Variants in ZNF607 observed in about 807,000 individuals in gnomAD.
The protein encoded by ZNF607 is zinc finger protein 607.
In ZNF607, 5 loss-of-function variants were observed where a neutral mutation model predicts 12.8. The ratio of observed to expected loss-of-function variants is 0.39; its 90% CI spans 0.20 to 0.82. The LOEUF is 0.82. ZNF607 is among the 40% of genes least tolerant of loss of function. The pLI, the probability that ZNF607 is intolerant of heterozygous loss-of-function variation, is 0.39. For missense variants in ZNF607, 851 were observed against 859.2 expected (o/e 0.99, Z 0.12); for synonymous variants, 287 against 276.2 (o/e 1.04, Z -0.39).
At chr19:37,712,796 A>AT (rs1490377206) in intron 1 of ZNF607, among the ~76,000 whole-genome samples, 1 of 152,070 alleles carries the variant, frequency 6.6e-6, no homozygotes, top group Non-Finnish European at 1.5e-5. Flanking sequence ...CAACAAAATT[A>AT]TTTTTTCTCT....
chr19:37,714,311 A>AAACAACAACAACAACAAC (rs376072397), intron 1 of ZNF607, among the ~76,000 whole-genome samples: 182 of 139,630 alleles, frequency 1.3e-3, no homozygotes, highest in African/African-American at 3.2e-3. Context: ...CTCCGTCTCA[A>AAACAACAACAACAACAAC]AACAACAACA....
In ZNF607 at chr19:37,711,639, T is replaced by C. The variant is rs546340522; in HGVS notation, c.-21A>G. 2.5e-6 allele frequency: 4 copies of C among 1,613,658 alleles called. No individual in the cohort carries two copies. In the African/African-American group the frequency reaches 5.3e-5, roughly 22 times the overall value. On this transcript the variant is annotated 5_prime_UTR_variant, in exon 2 of 5. Transcript: ENST00000355202. ...GACATGGTTTGAGACTGGCAAGAGT[T>C]GATCAGTCCTTGGCGTTTCTCTACC...
chr19:37,710,011 T>TGGGGCC, intron 2 of ZNF607, among the ~76,000 whole-genome samples, 189 bp from the exon 3 acceptor site: 1 of 152,024 alleles, frequency 6.6e-6, no homozygotes, highest in South Asian at 2.1e-4. Context: ...AAAAATTAGC[T>TGGGGCC]GGGTGTGGTG....
intron 2 of ZNF607, among the ~76,000 whole-genome samples, chr19:37,710,096 A>C (rs1287724369): frequency 6.6e-6 from 1 of 152,108 alleles, no homozygotes; most frequent in Non-Finnish European, 1.5e-5. Flanking sequence ...CGCAGGTTGC[A>C]GTGAGCCGAG....
At position 37,696,725 on chromosome 19, in the gene ZNF607, G is replaced by T; in HGVS notation, c.*1315C>A. ...TCTTCTGCAGCTTCCAGCTTGCACA[G>T]CTCGCTCTGGCCGTCCCCTGCAGTG... is the stretch of plus-strand genomic sequence containing the variant. On this transcript the variant is annotated 3_prime_UTR_variant, in exon 5 of 5. Transcript: ENST00000355202. 1.1e-6 allele frequency: 1 copy of T among 905,420 alleles called. No homozygotes were observed. Among genetic ancestry groups the T allele is most frequent in the Non-Finnish European group, 1.8e-6 (1 of 553,054 alleles). The allele number at this position is 905,420 out of a possible 1,614,324, so 56.1% of individuals were successfully genotyped here.
At chr19:37,708,109 G>A in intron 3 of ZNF607, 97 bp from the exon 4 acceptor site, 2 of 847,190 alleles carry the variant, frequency 2.4e-6, no homozygotes, top group South Asian at 2.0e-5. Flanking sequence ...AAGTGATACT[G>A]AGTAAGATTT....
rs1434349703 is a variant in ZNF607 at position 37,697,522 on chromosome 19, A to G, written c.*518T>C. Reference sequence around the variant, plus strand: ...ATCATCATTTATATATGATCCCCAGAAGGGATAAATATCTTCCCCCATATC... The same window carrying G: ...ATCATCATTTATATATGATCCCCAGGAGGGATAAATATCTTCCCCCATATC... On this transcript the variant is annotated 3_prime_UTR_variant, in exon 5 of 5. Transcript: ENST00000355202. 1.8e-6 allele frequency: 1 copy of G among 562,548 alleles called. No individual in the cohort carries two copies. The highest frequency in any genetic ancestry group is 3.2e-5 in the East Asian group (1 of 31,088). The allele number at this position is 562,548 out of a possible 1,614,324, so 34.8% of individuals were successfully genotyped here. A position where few individuals can be genotyped will look rare whatever the true frequency, so the allele number is the denominator to read the frequency against.
In ZNF607 at chr19:37,696,655, G is replaced by A. The variant is rs1032457595; in HGVS notation, c.*1385C>T. ...CTGGAGGAGCACGGACTGCCCTGCC[G>A]GCAGGCAGGTGATGTTCCGAGAGCA... is the stretch of plus-strand genomic sequence containing the variant. On this transcript the variant is annotated 3_prime_UTR_variant, in exon 5 of 5. Coordinates refer to ENST00000355202, the MANE Select transcript of ZNF607 (RefSeq NM_032689.5). The A allele has an allele frequency of 1.5e-6, 1 of 667,984 alleles. No individual in the cohort carries two copies. Among genetic ancestry groups the A allele is most frequent in the East Asian group, 3.0e-5 (1 of 33,586 alleles). The allele number at this position is 667,984 out of a possible 1,614,324, so 41.4% of individuals were successfully genotyped here.
At position 37,698,721 on chromosome 19, in the gene ZNF607, A is replaced by C; in HGVS notation, c.1410T>G (p.Ile470Met). 6.2e-7 allele frequency: 1 copy of C among 1,613,306 alleles called. No homozygotes were observed. The highest frequency in any genetic ancestry group is 8.5e-7 in the Non-Finnish European group (1 of 1,179,400). ...ATACATAGGGTTTCTCTCCTGTATG[A>C]ATTCTCTCATGTATAACAAGATATG... ...CASYLVIHER[I>M]HTGEKPYVCQ... is the part of the protein sequence containing the mutation. The change falls in exon 5 of 5, where the codon ATT (isoleucine) becomes ATG (methionine). Residue 470 changes from isoleucine to methionine, a missense_variant. Transcript: ENST00000355202.
In ZNF607 at chr19:37,696,955, C is replaced by T. The variant is rs1224366689; in HGVS notation, c.*1085G>A. 1.0e-5 allele frequency: 7 copies of T among 692,664 alleles called. No homozygotes were observed. Among genetic ancestry groups the T allele is most frequent in the Non-Finnish European group, 1.8e-5 (7 of 380,860 alleles). The allele number at this position is 692,664 out of a possible 1,614,324, so 42.9% of individuals were successfully genotyped here. On this transcript the variant is annotated 3_prime_UTR_variant, in exon 5 of 5. Transcript: ENST00000355202. ...GCTCACTCCATAAGGTTGTTGCTCA[C>T]CTGGCTGGAGACCAGCTCCCTCTGG...
At position 37,699,837 on chromosome 19, in the gene ZNF607, G is replaced by A. The variant is rs1229117781; in HGVS notation, c.294C>T (p.His98=). ...SDGKMQLYRK[H]SCVTLHQRIH... is the part of the protein sequence containing the mutation. ...TTCTCTGATGGAGAGTAACACATGA[G>A]TGTTTCCTATAAAGCTGCATTTTCC... Residue 98 remains histidine, a synonymous_variant, in exon 5 of 5, where the codon CAC becomes CAT. Transcript: ENST00000355202. 3.7e-6 allele frequency: 6 copies of A among 1,612,514 alleles called. No homozygotes were observed. The highest frequency in any genetic ancestry group is 2.7e-5 in the African/African-American group (2 of 74,984).
rs368009766 is a variant in ZNF607, at chr19:37,697,997, C to T, written c.*43G>A. On this transcript the variant is annotated 3_prime_UTR_variant, in exon 5 of 5. Transcript: ENST00000355202. ...GTTCAGTGGGATAAATCCATTGACACAATGTGCTTTCTTTACTACCTGTAT... is the reference window on the plus strand; with the variant it reads ...GTTCAGTGGGATAAATCCATTGACATAATGTGCTTTCTTTACTACCTGTAT... 7.3e-6 allele frequency: 11 copies of T among 1,503,570 alleles called. No individual in the cohort carries two copies. Among genetic ancestry groups the T allele is most frequent in the Non-Finnish European group, 9.8e-6 (11 of 1,126,932 alleles). The allele number at this position is 1,503,570 out of a possible 1,614,324, so 93.1% of individuals were successfully genotyped here.
intron 3 of ZNF607, 110 bp from the exon 4 acceptor site, chr19:37,708,122 G>C: frequency 1.4e-6 from 1 of 709,062 alleles, no homozygotes; most frequent in Non-Finnish European, 2.2e-6. Context: ...TAAGATTTTA[G>C]AGAAGAGTGA....
rs899488705 is a variant in ZNF607, at chr19:37,699,156, G to C, written c.975C>G (p.Thr325=). ...CCCCTGAATAAATTCTCTGATGCAT[G>C]GTAAGTTGATACCTACATGTAAAGC... is the stretch of plus-strand genomic sequence containing the variant. ...GKGFTCRYQL[T]MHQRIYSGEK... Residue 325 remains threonine (T), a synonymous_variant, in exon 5 of 5, where the codon ACC becomes ACG. Transcript: ENST00000355202. 10 of 1,613,934 alleles carry C rather than the reference G, an allele frequency of 6.2e-6. No individual in the cohort carries two copies. The Admixed American group carries it at 1.3e-4, about 22-fold the overall frequency.
At chr19:37,711,774 C>T in intron 1 of ZNF607, 82 bp from the exon 2 acceptor site, 1 of 643,466 alleles carries the variant, frequency 1.6e-6, no homozygotes, top group Non-Finnish European at 2.7e-6. Flanking sequence ...TTTTCCTCTT[C>T]CATTCCAAGT....
In ZNF607 at chr19:37,696,862, C is replaced by A; in HGVS notation, c.*1178G>T. ...CTCTGCTTCCTGGGGGGCCACCTGT[C>A]TGTTAACTCCTTCAAGAAGGTCAGA... On this transcript the variant is annotated 3_prime_UTR_variant, in exon 5 of 5. Transcript: ENST00000355202. The A allele has an allele frequency of 1.3e-6, 1 of 749,690 alleles. No homozygotes were observed. The highest frequency in any genetic ancestry group is 1.5e-5 in the South Asian group (1 of 65,362). The allele number at this position is 749,690 out of a possible 1,614,324, so 46.4% of individuals were successfully genotyped here.
rs753039543 is a variant in ZNF607 at position 37,699,655 on chromosome 19, T to C, written c.476A>G (p.Lys159Arg). ...CTCACGAGCATTAATTTTCTGATGC[T>C]TTCTAAGGTCTGTAAGATGGCTAAA... ...KAFSHLTDLR[K>R]HQKINAREKP... The change falls in exon 5 of 5, where the codon AAG (lysine) becomes AGG (arginine). Residue 159 changes from lysine to arginine, a missense_variant. By Grantham distance (26) the Lys-to-Arg change is conservative (BLOSUM62 2). Transcript: ENST00000355202. 6.2e-7 allele frequency: 1 copy of C among 1,614,140 alleles called. No individual in the cohort carries two copies. The highest frequency in any genetic ancestry group is 8.5e-7 in the Non-Finnish European group (1 of 1,179,994).
chr19:37,702,730 A>G (rs118098383), intron 4 of ZNF607, among the ~76,000 whole-genome samples: 1 of 152,344 alleles, frequency 6.6e-6, no homozygotes, highest in Non-Finnish European at 1.5e-5. Flanking sequence ...TTTACAACAT[A>G]TGAAGATGTG....
At chr19:37,719,132 C>T (rs990435084) in intron 1 of ZNF607, 137 bp downstream of exon 1, 1 of 152,770 alleles carries the variant, frequency 6.5e-6, no homozygotes, top group African/African-American at 2.4e-5. Context: ...CTGTTGTAGT[C>T]GTACTAGGCT....
Sources: gnomAD v4.1 joint callset for allele counts (sites outside exome capture counted in the v4.1 genomes callset) on GRCh38, gnomAD v4.1.1 for gene constraint, MANE v1.5 for transcripts, NCBI Gene and HGNC (gene_info 2026-07-23, HGNC 2026-07-21) for gene names.